Variants in POLR1A observed in about 807,000 individuals in gnomAD.
POLR1A encodes RNA polymerase I subunit A.
Under a neutral mutation model 205.3 loss-of-function variants are expected in POLR1A, and 84 were observed. That is an observed-to-expected ratio of 0.41 (90% CI 0.34 to 0.49). POLR1A has a LOEUF of 0.49. Ranked by LOEUF, POLR1A falls within the 20% of genes least tolerant of loss-of-function variation. The pLI is 0.22. For synonymous variants in POLR1A, 799 were observed against 863.7 expected, an observed-to-expected ratio of 0.93 and a Z score of 1.31; for missense variants, 1,645 against 2,204.5, an observed-to-expected ratio of 0.75 and a Z score of 5.08.
At position 86,026,014 on chromosome 2, in the gene POLR1A, C is replaced by T. The variant is rs370572740; in HGVS notation, c.*1409G>A. On this transcript the variant is annotated 3_prime_UTR_variant, in exon 34 of 34. Transcript: ENST00000263857. ...GTCACTCTCCCTTGACAAAGCCTCC[C>T]TTGATCCCCAACCCTACCCCTAAGG... The T allele has an allele frequency of 1.3e-5, 2 of 152,270 alleles. No individual in the cohort carries two copies. Among genetic ancestry groups the T allele is most frequent in the South Asian group, 2.1e-4 (1 of 4,830 alleles). 9.4% of individuals were successfully genotyped at this position (152,270 alleles called of 1,614,324 possible). A position where few individuals can be genotyped will look rare whatever the true frequency, so the allele number is the denominator to read the frequency against.
intron 11 of POLR1A, among the ~76,000 whole-genome samples, chr2:86,076,892 T>C (rs764160726): frequency 2.0e-5 from 3 of 152,152 alleles, no homozygotes; most frequent in Admixed American, 6.5e-5. Flanking sequence ...ACCACTGGAC[T>C]TTGCAAAGCT....
intron 23 of POLR1A, 80 bp from the exon 24 acceptor site, chr2:86,042,183 G>A (rs1228166620): frequency 6.1e-6 from 6 of 983,094 alleles, no homozygotes; most frequent in Non-Finnish European, 8.2e-6. Flanking sequence ...GGCTTCCAAT[G>A]AGAATAAAGG....
intron 6 of POLR1A, among the ~76,000 whole-genome samples, chr2:86,086,461 C>T (rs747340260): frequency 3.9e-5 from 6 of 152,244 alleles, no homozygotes; most frequent in Admixed American, 1.3e-4. Context: ...CTTTCCTCCA[C>T]ATCACCTGCT....
rs1673147943 is a variant in POLR1A at position 86,070,001 on chromosome 2, CT to C, written c.1866+16del. On this transcript the variant is annotated intron_variant, in intron 13 of 33. Transcript: ENST00000263857. The surrounding 1 kb of genome is among the most constrained non-coding windows in gnomAD (Gnocchi z 4.4). Reference sequence around the variant, plus strand: ...ATGCTGACGATGACCACGGAACAGCCTCAAGGCCAGACCTACCTTGGGAACA... The same window carrying C: ...ATGCTGACGATGACCACGGAACAGCCCAAGGCCAGACCTACCTTGGGAACA... 2 of 1,608,486 alleles carry C rather than the reference CT, an allele frequency of 1.2e-6. No homozygotes were observed. Among genetic ancestry groups the C allele is most frequent in the Non-Finnish European group, 1.7e-6 (2 of 1,177,238 alleles).
intron 13 of POLR1A, among the ~76,000 whole-genome samples, chr2:86,069,625 GT>G (rs920256067): frequency 3.9e-4 from 60 of 152,318 alleles, no homozygotes; most frequent in African/African-American, 1.4e-3. Context: ...TAAAACTCAT[GT>G]TTGTCAGAAC....
intron 14 of POLR1A, among the ~76,000 whole-genome samples, chr2:86,058,658 A>C (rs1429335082): frequency 6.6e-6 from 1 of 151,884 alleles, no homozygotes; most frequent in African/African-American, 2.4e-5. Flanking sequence ...AAAAATCTGC[A>C]ATGTTTTCTT....
chr2:86,103,082 A>G (rs116136072), intron 1 of POLR1A, among the ~76,000 whole-genome samples: 3,327 of 152,320 alleles, frequency 0.022, 65 homozygotes, highest in Non-Finnish European at 0.034. Flanking sequence ...CTTACATTCT[A>G]TTGGAGGAAC....
At chr2:86,096,436 T>C (rs1428527886) in intron 3 of POLR1A, among the ~76,000 whole-genome samples, 1 of 152,118 alleles carries the variant, frequency 6.6e-6, no homozygotes. Flanking sequence ...ATTGTAACAT[T>C]TGTATAGAAC....
chr2:86,045,396 G>GT, intron 20 of POLR1A, 36 bp from the exon 21 acceptor site: 6 of 1,523,072 alleles, frequency 3.9e-6, no homozygotes, highest in Non-Finnish European at 5.5e-6. Flanking sequence ...AAAGGTGACA[G>GT]TGAGGACAGT....
At chr2:86,062,072 A>G (rs1238356084) in intron 14 of POLR1A, among the ~76,000 whole-genome samples, 3 of 152,152 alleles carry the variant, frequency 2.0e-5, no homozygotes, top group African/African-American at 4.8e-5. Context: ...ACCTGGAGAA[A>G]CACTCTAAGA....
chr2:86,022,513 C>T lies in POLR1A; in HGVS notation c.*4910G>A, dbSNP rs947602694. 1.3e-5 allele frequency: 2 copies of T among 152,174 alleles called. No individual in the cohort carries two copies. The highest frequency in any genetic ancestry group is 4.8e-5 in the African/African-American group (2 of 41,430). The allele number at this position is 152,174 out of a possible 1,614,324, so 9.4% of individuals were successfully genotyped here. A position where few individuals can be genotyped will look rare whatever the true frequency, so the allele number is the denominator to read the frequency against. ...TCCGTGGCTCTCAATTCCGCTGCAC[C>T]TTAGACTCTCTTGAAGATTTTCTAA... is the stretch of plus-strand genomic sequence containing the variant. On this transcript the variant is annotated 3_prime_UTR_variant, in exon 34 of 34. Coordinates refer to ENST00000263857, the MANE Select transcript of POLR1A (RefSeq NM_015425.6).
Position 86,027,377 on chromosome 2 carries a change from C to T in POLR1A, c.*46G>A, listed in dbSNP as rs1240151391. The T allele has an allele frequency of 6.6e-7, 1 of 1,506,974 alleles. No individual in the cohort carries two copies. The highest frequency in any genetic ancestry group is 1.1e-5 in the South Asian group (1 of 89,088). The allele number at this position is 1,506,974 out of a possible 1,614,324, so 93.4% of individuals were successfully genotyped here. ...TGCAGAAGGCAGGCTGGGCCACGCC[C>T]TCACCAAGGGTCCTTGGAGCTGGGC... On this transcript the variant is annotated 3_prime_UTR_variant, in exon 34 of 34. Transcript: ENST00000263857.
chr2:86,101,854 C>G (rs1673828152), intron 1 of POLR1A, among the ~76,000 whole-genome samples: 2 of 152,178 alleles, frequency 1.3e-5, no homozygotes, highest in Admixed American at 1.3e-4. Context: ...TCTGACTACT[C>G]TAGGTACCTT....
At chr2:86,104,119 G>A (rs142880017) in intron 1 of POLR1A, among the ~76,000 whole-genome samples, 72 of 152,320 alleles carry the variant, frequency 4.7e-4, no homozygotes, top group African/African-American at 1.6e-3. Context: ...GGTTTTAAGG[G>A]TGACAGTAGC....
intron 28 of POLR1A, among the ~76,000 whole-genome samples, chr2:86,033,191 T>TC (rs1672426691): frequency 6.6e-6 from 1 of 152,248 alleles, no homozygotes. Context: ...ACTGGTTTTT[T>TC]CCCTCTTCCC....
chr2:86,046,425 A>G (rs1672710734), intron 19 of POLR1A, among the ~76,000 whole-genome samples: 1 of 152,220 alleles, frequency 6.6e-6, no homozygotes, highest in Non-Finnish European at 1.5e-5. Flanking sequence ...GGGATTTCCT[A>G]ACGGCTTTCG....
Position 86,070,396 on chromosome 2 carries a change from C to G in POLR1A, c.1612-124G>C, listed in dbSNP as rs952061628. On this transcript the variant is annotated intron_variant, in intron 12 of 33. Transcript: ENST00000263857. This position sits in a 1 kb window ranked among gnomAD's most constrained non-coding sequence, Gnocchi z 4.4. ...GTCTCACGTTCTAGTTAACTAAATG[C>G]AAGGGGAATTTTTCATCTGGAGCAA... 1.0e-5 allele frequency: 11 copies of G among 1,050,874 alleles called. No homozygotes were observed. Among genetic ancestry groups the G allele is most frequent in the Middle Eastern group, 4.7e-4 (2 of 4,300 alleles). 65.1% of individuals were successfully genotyped at this position (1,050,874 alleles called of 1,614,324 possible). A position where few individuals can be genotyped will look rare whatever the true frequency, so the allele number is the denominator to read the frequency against.
chr2:86,065,574 A>G, intron 13 of POLR1A, 109 bp from the exon 14 acceptor site: 1 of 883,186 alleles, frequency 1.1e-6, no homozygotes, highest in South Asian at 1.7e-5. Flanking sequence ...CCCTTCTTAT[A>G]TCCCTGTCTT....
Position 86,075,231 on chromosome 2 carries a change from C to T in POLR1A, c.1410G>A (p.Gln470=). ...MVFATKLTYP[Q]PVTPWNVQEL... is the part of the protein sequence containing the mutation. ...CCTGAACATTCCATGGGGTAACTGG[C>T]TGTGGGTAGGTCAGTTTTGTGGCAA... Residue 470 remains glutamine (Q), a synonymous_variant, in exon 12 of 34, where the codon CAG becomes CAA. Coordinates refer to ENST00000263857, the MANE Select transcript of POLR1A (RefSeq NM_015425.6). 1 of 1,610,206 alleles carries T rather than the reference C, an allele frequency of 6.2e-7. No individual in the cohort carries two copies. The highest frequency in any genetic ancestry group is 8.5e-7 in the Non-Finnish European group (1 of 1,177,858).
Sources: allele counts gnomAD v4.1 joint callset (sites outside exome capture counted in the v4.1 genomes callset), GRCh38; gene constraint gnomAD v4.1.1; non-coding constraint Gnocchi (gnomAD v3.1); transcripts MANE v1.5; gene names NCBI Gene and HGNC (gene_info 2026-07-23, HGNC 2026-07-21).